Variants in CNGB1 observed in about 807,000 individuals in gnomAD.
CNGB1 encodes the protein cyclic nucleotide gated channel subunit beta 1.
In CNGB1, 126 loss-of-function variants were observed where a neutral mutation model predicts 151.7. That is an observed-to-expected ratio of 0.83 (90% confidence interval 0.72 to 0.96). CNGB1 has a LOEUF of 0.96. CNGB1 is among the 40% of genes least tolerant of loss of function. CNGB1 has a pLI of 0.00. For synonymous variants in CNGB1, 623 were observed against 635.1 expected (o/e 0.98, Z 0.29); for missense variants, 1,698 against 1,627.0 (o/e 1.04, Z -0.75).
intron 26 of CNGB1, among the ~76,000 whole-genome samples, chr16:57,904,416 A>G (rs1292246687): frequency 6.6e-6 from 1 of 152,210 alleles, no homozygotes; most frequent in Non-Finnish European, 1.5e-5. Flanking sequence ...TGTCTCGACC[A>G]GAATGTAAGA....
In CNGB1 at chr16:57,919,050, C is replaced by T. The variant is rs535605882; in HGVS notation, c.1957+49G>A. 1.9e-6 allele frequency: 3 copies of T among 1,613,750 alleles called. No homozygotes were observed. In the African/African-American group the frequency reaches 4.0e-5, roughly 22 times the overall value. Reference sequence around the variant, plus strand: ...CCTCTCCCCATCCCGCTCCAACTCTCCTGCTCTCTCATCTTACACAGTGGG... The same window carrying T: ...CCTCTCCCCATCCCGCTCCAACTCTTCTGCTCTCTCATCTTACACAGTGGG... On this transcript the variant is annotated intron_variant, in intron 20 of 32. Coordinates refer to ENST00000251102, the MANE Select transcript of CNGB1 (RefSeq NM_001297.5).
At position 57,884,364 on chromosome 16, in the gene CNGB1, G is replaced by A. The variant is rs7190372; in HGVS notation, c.3556C>T (p.Pro1186Ser). The A allele has an allele frequency of 4.1e-3, 6,585 of 1,611,292 alleles. 228 individuals carry two copies. The African/African-American group carries it at 0.076, about 19-fold the overall frequency. The change falls in exon 33 of 33, where the codon CCC becomes TCC. Residue 1186 changes from proline (P) to serine (S), a missense_variant. Pro to Ser is a moderately conservative substitution (Grantham distance 74, BLOSUM62 -1). Transcript: ENST00000251102. ...CCCGGGGGCTCGGGGGGCGTCCGGG[G>A]CGCGGGTGGGTCGGTGGCGGCCTCC... ...PKEAATDPPA[P>S]RTPPEPPGSP... is the part of the protein sequence containing the mutation.
At chr16:57,960,792 A>G in intron 8 of CNGB1, 48 bp downstream of exon 8, 1 of 1,582,624 alleles carries the variant, frequency 6.3e-7, no homozygotes, top group Non-Finnish European at 8.6e-7. Flanking sequence ...GGGGCCCCAG[A>G]AGCCCCCCCA....
At chr16:57,945,774 C>T (rs772486954) in intron 14 of CNGB1, among the ~76,000 whole-genome samples, 2 of 152,210 alleles carry the variant, frequency 1.3e-5, no homozygotes, top group Non-Finnish European at 1.5e-5. Context: ...ATCTGCCATT[C>T]AGGCTGCCTT....
chr16:57,907,094 T>C (rs1960572741), intron 25 of CNGB1, among the ~76,000 whole-genome samples: 1 of 152,200 alleles, frequency 6.6e-6, no homozygotes, highest in Non-Finnish European at 1.5e-5. Flanking sequence ...AGGACGACAT[T>C]TGGGAAGGAG....
At chr16:57,914,572 TG>T (rs1390625995) in intron 23 of CNGB1, among the ~76,000 whole-genome samples, 1 of 152,222 alleles carries the variant, frequency 6.6e-6, no homozygotes, top group African/African-American at 2.4e-5. Flanking sequence ...TGAATGTGAT[TG>T]GTTGGCCATC....
intron 25 of CNGB1, among the ~76,000 whole-genome samples, chr16:57,910,116 C>G (rs1337102321): frequency 1.3e-5 from 2 of 152,174 alleles, no homozygotes; most frequent in Non-Finnish European, 2.9e-5. Flanking sequence ...AGGGCTTTCC[C>G]GAGTTACCTG....
At chr16:57,933,115 A>G (rs1329797175) in intron 16 of CNGB1, among the ~76,000 whole-genome samples, 5 of 151,902 alleles carry the variant, frequency 3.3e-5, no homozygotes, top group African/African-American at 1.2e-4. Context: ...TTGTGTAGAG[A>G]TGAGGTCTCA....
chr16:57,912,814 T>A lies in CNGB1; in HGVS notation c.2369+116A>T, dbSNP rs1303968306. ...ATGTGTGTATGTTGTGTGTGTGTTGTGTGTGTCGTGTGTGTGTTGTGTGTG... is the reference window on the plus strand; with the variant it reads ...ATGTGTGTATGTTGTGTGTGTGTTGAGTGTGTCGTGTGTGTGTTGTGTGTG... On this transcript the variant is annotated intron_variant, in intron 24 of 32. Coordinates refer to ENST00000251102, the MANE Select transcript of CNGB1 (RefSeq NM_001297.5). The A allele has an allele frequency of 2.9e-6, 3 of 1,024,976 alleles. No individual in the cohort carries two copies. The East Asian group carries it at 7.4e-5, about 25-fold the overall frequency. 63.5% of individuals were successfully genotyped at this position (1,024,976 alleles called of 1,614,324 possible).
In CNGB1 at chr16:57,911,813, C is replaced by G; in HGVS notation, c.2432G>C (p.Trp811Ser). Residue 811 changes from tryptophan to serine, a missense_variant, in exon 25 of 33, where the codon TGG becomes TCG. Trp to Ser is a radical substitution (Grantham distance 177). Coordinates refer to ENST00000251102, the MANE Select transcript of CNGB1 (RefSeq NM_001297.5). ...SLHLNSCLYY[W>S]ASAYQGLGST... The stretch of plus-strand genomic sequence containing the variant: ...GCCGAGGCCCTGATAGGCCGATGCC[C>G]AGTAATAAAGACAGGAATTCAAATG... 6.2e-7 allele frequency: 1 copy of G among 1,614,096 alleles called. No homozygotes were observed. The highest frequency in any genetic ancestry group is 8.5e-7 in the Non-Finnish European group (1 of 1,179,966).
chr16:57,883,980 C>T lies in CNGB1; in HGVS notation c.*184G>A. ...CTTGTCGAGCTCAGGCCCAGCCCCG[C>T]GAGGAGCTGAGTCGGGGCTGGCGTG... On this transcript the variant is annotated 3_prime_UTR_variant, in exon 33 of 33. Coordinates refer to ENST00000251102, the MANE Select transcript of CNGB1 (RefSeq NM_001297.5). The T allele has an allele frequency of 2.6e-6, 2 of 757,146 alleles. No individual in the cohort carries two copies. Among genetic ancestry groups the T allele is most frequent in the Non-Finnish European group, 4.4e-6 (2 of 455,138 alleles). 46.9% of individuals were successfully genotyped at this position (757,146 alleles called of 1,614,324 possible). A position where few individuals can be genotyped will look rare whatever the true frequency, so the allele number is the denominator to read the frequency against.
intron 19 of CNGB1, 117 bp downstream of exon 19, chr16:57,920,270 C>A: frequency 1.7e-6 from 2 of 1,153,176 alleles, no homozygotes; most frequent in East Asian, 2.4e-5. Context: ...GGGATCTGGG[C>A]TTCTCTCATG....
intron 25 of CNGB1, among the ~76,000 whole-genome samples, chr16:57,911,364 T>C (rs422311): frequency 0.61 from 92,864 of 152,038 alleles, 29,413 homozygotes; most frequent in African/African-American, 0.8. Context: ...TCTCGGCTCA[T>C]TGCAACCTCC....
chr16:57,919,177 A>T lies in CNGB1; in HGVS notation c.1879T>A (p.Cys627Ser). ...EAEPVEEEHY[C>S]DMLCCKFKHR... ...TTGAACTTGCAGCAGAGCATGTCGC[A>T]ATAGTGCTCCTCTTCCACTGGCTCG... Residue 627 changes from cysteine to serine, a missense_variant, in exon 20 of 33, where the codon TGC (cysteine) becomes AGC (serine). Transcript: ENST00000251102. 6.2e-7 allele frequency: 1 copy of T among 1,614,188 alleles called. No individual in the cohort carries two copies. Among genetic ancestry groups the T allele is most frequent in the Non-Finnish European group, 8.5e-7 (1 of 1,180,014 alleles).
intron 18 of CNGB1, 91 bp downstream of exon 18, chr16:57,923,182 A>G: frequency 1.1e-6 from 1 of 950,502 alleles, no homozygotes; most frequent in East Asian, 2.7e-5. Flanking sequence ...GCCTTGCGGT[A>G]GAAGGTTCTA....
At chr16:57,926,657 C>CAGCACAGGGCACTCTCCTGAGCCT (rs1408376176) in intron 17 of CNGB1, among the ~76,000 whole-genome samples, 2 of 152,206 alleles carry the variant, frequency 1.3e-5, no homozygotes, top group Non-Finnish European at 2.9e-5. Context: ...CTCCTGTGCC[C>CAGCACAGGGCACTCTCCTGAGCCT]AGCACAGGGC....
At chr16:57,886,682 TC>T (rs1322783251) in intron 32 of CNGB1, among the ~76,000 whole-genome samples, 1 of 152,002 alleles carries the variant, frequency 6.6e-6, no homozygotes, top group Non-Finnish European at 1.5e-5. Context: ...CTAACCCCAG[TC>T]CCTCTCCAGA....
rs539304668 is a variant in CNGB1 at position 57,897,504 on chromosome 16, G to A, written c.3135C>T (p.Asn1045=). 542 of 1,614,124 alleles carry A rather than the reference G, an allele frequency of 3.4e-4. 3 individuals are homozygous for A. The South Asian group carries it at 4.8e-3, about 14-fold the overall frequency. The stretch of plus-strand genomic sequence containing the variant: ...GGTTGGTAAACCCGTGCGCCACCAC[G>A]TTGGCCGTGCGCCGGTTCCCGCCCC... ...AVGGGNRRTA[N]VVAHGFTNLF... The change falls in exon 31 of 33, where the codon AAC becomes AAT. Residue 1045 remains asparagine, a synonymous_variant. Transcript: ENST00000251102.
chr16:57,963,068 C>A lies in CNGB1; in HGVS notation c.291-4G>T, dbSNP rs746431824. The A allele has an allele frequency of 4.4e-6, 7 of 1,608,746 alleles. No homozygotes were observed. In the East Asian group the frequency reaches 1.1e-4, roughly 26 times the overall value. ...GGTCAGTACCCTGCGGCTGGGACTG[C>A]GATGGACAGAGACACCAGCCCGCCC... On this transcript the variant is annotated splice_polypyrimidine_tract_variant and splice_region_variant and intron_variant, in intron 4 of 32. Coordinates refer to ENST00000251102, the MANE Select transcript of CNGB1 (RefSeq NM_001297.5).
Sources: gnomAD v4.1 joint callset for allele counts (sites outside exome capture counted in the v4.1 genomes callset) on GRCh38, gnomAD v4.1.1 for gene constraint, MANE v1.5 for transcripts, NCBI Gene and HGNC (gene_info 2026-07-23, HGNC 2026-07-21) for gene names.